Variants in ITIH3 observed in about 807,000 individuals in gnomAD.
ITIH3 encodes the protein inter-alpha-trypsin inhibitor heavy chain H3.
A neutral mutation model predicts 96.5 loss-of-function variants in ITIH3; 81 were observed. That is an observed-to-expected ratio of 0.84 (90% CI 0.70 to 1.01). ITIH3 has a LOEUF of 1.01. ITIH3 is among the 50% of genes least tolerant of loss of function. The probability of loss-of-function intolerance (pLI) is 0.00; values close to 1 mark genes in which losing one functional copy is unlikely to be tolerated. For synonymous variants in ITIH3, 422 were observed against 445.2 expected, an observed-to-expected ratio of 0.95 and a Z score of 0.66; for missense variants, 1,057 against 1,139.3, an observed-to-expected ratio of 0.93 and a Z score of 1.04.
In ITIH3 at chr3:52,807,119, C is replaced by T. The variant is rs547475767; in HGVS notation, c.2261+14C>T. 1.3e-6 allele frequency: 2 copies of T among 1,567,386 alleles called. No homozygotes were observed. The highest frequency in any genetic ancestry group is 2.7e-5 in the African/African-American group (2 of 73,822). On this transcript the variant is annotated intron_variant, in intron 19 of 21. Transcript: ENST00000449956. Reference sequence around the variant, plus strand: ...CACGCAGGATGGGTAAGCTCCCCTACAAGGTCTCCAAGGTGGACTACAGGG... The same window carrying T: ...CACGCAGGATGGGTAAGCTCCCCTATAAGGTCTCCAAGGTGGACTACAGGG...
At chr3:52,800,488 A>T (rs1434063479) in intron 9 of ITIH3, 50 bp from the exon 10 acceptor site, 1 of 1,549,666 alleles carries the variant, frequency 6.5e-7, no homozygotes, top group Admixed American at 2.0e-5. Flanking sequence ...CTGTCTGCAC[A>T]CTGGCACCCT....
chr3:52,799,520 G>A (rs373963037), intron 8 of ITIH3, 32 bp downstream of exon 8: 5 of 1,466,396 alleles, frequency 3.4e-6, no homozygotes, highest in South Asian at 1.2e-5. Flanking sequence ...GCCAGGGCTC[G>A]GGGTAGTAGG....
chr3:52,797,326 T>C (rs1174647232), intron 5 of ITIH3, 59 bp downstream of exon 5: 1 of 1,528,484 alleles, frequency 6.5e-7, no homozygotes, highest in African/African-American at 1.4e-5. Flanking sequence ...AACCCGCCCA[T>C]GGGGCAGTCT....
chr3:52,798,733 G>T, intron 6 of ITIH3: 1 of 550,886 alleles, frequency 1.8e-6, no homozygotes, highest in East Asian at 3.0e-5. Flanking sequence ...GGGGAAAAGC[G>T]GTGCTCAGAA....
In ITIH3 at chr3:52,799,465, A is replaced by G. The variant is rs1168045661; in HGVS notation, c.883A>G (p.Met295Val). The G allele has an allele frequency of 1.9e-6, 3 of 1,611,666 alleles. No individual in the cohort carries two copies. Among genetic ancestry groups the G allele is most frequent in the Admixed American group, 3.4e-5 (2 of 59,594 alleles). ...CTTTGTGATTGACATCAGCGGCTCC[A>G]TGGCTGGTCGGAAATTAGAGCAGGT... ...VAFVIDISGS[M>V]AGRKLEQTKE... Residue 295 changes from methionine to valine, a missense_variant, in exon 8 of 22, where the codon ATG becomes GTG. Transcript: ENST00000449956.
chr3:52,800,962 C>A lies in ITIH3; in HGVS notation c.1202-3C>A. On this transcript the variant is annotated splice_region_variant and splice_polypyrimidine_tract_variant and intron_variant, in intron 10 of 21. Coordinates refer to ENST00000449956, the MANE Select transcript of ITIH3 (RefSeq NM_002217.4). The stretch of plus-strand genomic sequence containing the variant: ...GGACTGTGAACACCCCCTTCTCCAA[C>A]AGGTGAGAGCAGACCCGAAAAAATC... 6.2e-7 allele frequency: 1 copy of A among 1,614,026 alleles called. No homozygotes were observed. The highest frequency in any genetic ancestry group is 1.7e-5 in the Admixed American group (1 of 60,028).
chr3:52,807,274 C>G (rs1181695460), intron 19 of ITIH3, among the ~76,000 whole-genome samples, 169 bp downstream of exon 19: 1 of 152,174 alleles, frequency 6.6e-6, no homozygotes, highest in Non-Finnish European at 1.5e-5. Flanking sequence ...ATAGTGGCCC[C>G]CAACCAAACC....
In ITIH3 at chr3:52,801,007, C is replaced by T. The variant is rs761130232; in HGVS notation, c.1244C>T (p.Ala415Val). Residue 415 changes from alanine (A) to valine (V), a missense_variant, in exon 11 of 22, where the codon GCC becomes GTC. By Grantham distance (64) the Ala-to-Val change is moderately conservative. Transcript: ENST00000449956. The part of the protein sequence containing the change: ...PEKIQENVRN[A>V]IGGKFPLYNL... ...AAAATCCAAGAGAATGTGCGGAATGCCATCGGGGGCAAGTTCCCCTTGTAT... is the reference window on the plus strand; with the variant it reads ...AAAATCCAAGAGAATGTGCGGAATGTCATCGGGGGCAAGTTCCCCTTGTAT... 3.7e-6 allele frequency: 6 copies of T among 1,613,920 alleles called. No individual in the cohort carries two copies. Among genetic ancestry groups the T allele is most frequent in the Middle Eastern group, 1.6e-4 (1 of 6,084 alleles).
rs1223671501 is a variant in ITIH3, at chr3:52,804,029, C to T, written c.1864+20C>T. 1 of 1,605,246 alleles carries T rather than the reference C, an allele frequency of 6.2e-7. No individual in the cohort carries two copies. The highest frequency in any genetic ancestry group is 1.1e-5 in the South Asian group (1 of 89,406). On this transcript the variant is annotated intron_variant, in intron 14 of 21. Transcript: ENST00000449956. ...GGGAAGGTGGGGATAGGGATGGAGG[C>T]CGGAACCCGGAGGCCTCCTGTGCTG...
chr3:52,796,825 A>C lies in ITIH3; in HGVS notation c.368A>C (p.Lys123Thr), dbSNP rs780176003. ...KQYEKAVSQGKTAGLVKASGR... is the reference protein window; with the variant it reads ...KQYEKAVSQGTTAGLVKASGR... ...TATGAAAAGGCTGTGTCCCAGGGCA[A>C]GACGGCCGGCTTGGTCAAGTAAGTA... The change falls in exon 4 of 22, where the codon AAG becomes ACG. Residue 123 changes from lysine to threonine, a missense_variant. Lys to Thr is a moderately conservative substitution (Grantham distance 78). Transcript: ENST00000449956. The C allele has an allele frequency of 6.2e-7, 1 of 1,609,870 alleles. No homozygotes were observed. Among genetic ancestry groups the C allele is most frequent in the South Asian group, 1.1e-5 (1 of 89,976 alleles).
At chr3:52,806,435 A>G in intron 18 of ITIH3, 29 bp downstream of exon 18, 1 of 1,568,694 alleles carries the variant, frequency 6.4e-7, no homozygotes, top group African/African-American at 1.4e-5. Flanking sequence ...GGCCGGGGCC[A>G]GGGGGCTCTT....
chr3:52,799,982 C>G, intron 9 of ITIH3, 61 bp downstream of exon 9: 1 of 1,513,704 alleles, frequency 6.6e-7, no homozygotes, highest in Admixed American at 1.9e-5. Flanking sequence ...CCCTGAGCAG[C>G]CTGCAACCCC....
chr3:52,796,701 A>C, intron 3 of ITIH3, 38 bp from the exon 4 acceptor site: 1 of 1,606,494 alleles, frequency 6.2e-7, no homozygotes, highest in Non-Finnish European at 8.5e-7. Context: ...GGTCTGGCCC[A>C]GTGTGATCTC....
chr3:52,808,437 A>C (rs1043576979), intron 21 of ITIH3, 115 bp from the exon 22 acceptor site: 3 of 1,431,202 alleles, frequency 2.1e-6, no homozygotes, highest in African/African-American at 1.4e-5. Context: ...TCTTGACCAA[A>C]GAATTCTGGG....
In ITIH3 at chr3:52,801,040, G is replaced by A; in HGVS notation, c.1277G>A (p.Gly426Asp). 6.2e-7 allele frequency: 1 copy of A among 1,613,954 alleles called. No homozygotes were observed. Among genetic ancestry groups the A allele is most frequent in the Non-Finnish European group, 8.5e-7 (1 of 1,179,864 alleles). The change falls in exon 11 of 22, where the codon GGC becomes GAC. Residue 426 changes from glycine to aspartate, a missense_variant. Coordinates refer to ENST00000449956, the MANE Select transcript of ITIH3 (RefSeq NM_002217.4). ...IGGKFPLYNLGFGNNLNYNFL... is the reference protein window; with the variant it reads ...IGGKFPLYNLDFGNNLNYNFL... The stretch of plus-strand genomic sequence containing the variant: ...GGCAAGTTCCCCTTGTATAACCTGG[G>A]CTTTGGCAACAATCTGAATTATAAC...
Position 52,803,889 on chromosome 3 carries a change from A to ACGGCC in ITIH3, c.1748_1752dup (p.Ala585ProfsTer13). 1.2e-6 allele frequency: 2 copies of ACGGCC among 1,613,992 alleles called. No homozygotes were observed. Among genetic ancestry groups the ACGGCC allele is most frequent in the Non-Finnish European group, 1.7e-6 (2 of 1,179,872 alleles). On this transcript the variant is annotated frameshift_variant, in exon 14 of 22. Coordinates refer to ENST00000449956, the MANE Select transcript of ITIH3 (RefSeq NM_002217.4). LOFTEE classifies it high-confidence loss of function. ...CCATGGCGAGGAGAAGGAGAACCTC[A>ACGGCC]CGGCCCGGGCCCTGGACCTGTCCCT...
At chr3:52,807,216 AGAT>A in intron 19 of ITIH3, 111 bp downstream of exon 19, 1 of 956,912 alleles carries the variant, frequency 1.0e-6, no homozygotes, top group South Asian at 1.7e-5. Flanking sequence ...GTCACAGGAA[AGAT>A]CAGAGACCCC....
Position 52,800,738 on chromosome 3 carries a change from T to C in ITIH3, c.1201+75T>C, listed in dbSNP as rs1436678123. Reference sequence around the variant, plus strand: ...TGCTCCTGGCTCTGTAGCTGGCTCATTGGAAAACCTGGGGCAGCTCTTCCC... The same window carrying C: ...TGCTCCTGGCTCTGTAGCTGGCTCACTGGAAAACCTGGGGCAGCTCTTCCC... On this transcript the variant is annotated intron_variant, in intron 10 of 21. Transcript: ENST00000449956. 13 of 1,553,746 alleles carry C rather than the reference T, an allele frequency of 8.4e-6. No individual in the cohort carries two copies. In the Admixed American group the frequency reaches 1.1e-4, roughly 14 times the overall value.
At chr3:52,803,309 T>TA (rs1699911744) in intron 13 of ITIH3, among the ~76,000 whole-genome samples, 1 of 120,192 alleles carries the variant, frequency 8.3e-6, no homozygotes, top group South Asian at 2.6e-4. Flanking sequence ...TTTATTTATT[T>TA]TATTTTATTA....
Sources: gnomAD v4.1 joint callset for allele counts (sites outside exome capture counted in the v4.1 genomes callset) on GRCh38, gnomAD v4.1.1 for gene constraint, MANE v1.5 for transcripts, NCBI Gene and HGNC (gene_info 2026-07-23, HGNC 2026-07-21) for gene names.